The following CFAP54 variants were observed in gnomAD, a reference collection of about 807,000 sequenced individuals.
The protein encoded by CFAP54 is cilia and flagella associated protein 54.
CFAP54 carries 290 observed loss-of-function variants against 370.4 expected under a neutral mutation model. That is an observed-to-expected ratio of 0.78 (90% CI 0.71 to 0.86). The LOEUF (loss-of-function observed/expected upper bound fraction) is 0.86, where lower values mean the gene tolerates loss of function less well. Among genes scored for constraint, CFAP54 ranks in the 40% least tolerant of loss-of-function variants. The probability of loss-of-function intolerance (pLI) is 0.00; values close to 1 mark genes in which losing one functional copy is unlikely to be tolerated. For synonymous variants in CFAP54, 1,206 were observed against 1,236.5 expected (o/e 0.98, Z 0.52); for missense variants, 3,399 against 3,528.7 (o/e 0.96, Z 0.93).
intron 65 of CFAP54, among the ~76,000 whole-genome samples, chr12:96,825,822 A>G (rs1355242897): frequency 3.8e-5 from 5 of 132,156 alleles, no homozygotes; most frequent in Non-Finnish European, 7.7e-5. Flanking sequence ...ATATAAATAT[A>G]TAAATTAGTA....
intron 38 of CFAP54, among the ~76,000 whole-genome samples, chr12:96,663,495 G>GC (rs61043394): frequency 0.89 from 134,727 of 152,214 alleles, 59,865 homozygotes; most frequent in East Asian, 0.96. Context: ...GGAAAAATCT[G>GC]CATTGGGAAA....
intron 64 of CFAP54, among the ~76,000 whole-genome samples, chr12:96,812,169 A>C (rs1051082817): frequency 6.6e-6 from 1 of 152,202 alleles, no homozygotes; most frequent in Non-Finnish European, 1.5e-5. Context: ...CAGTTCATAC[A>C]TGCTTCATAG....
intron 50 of CFAP54, among the ~76,000 whole-genome samples, chr12:96,737,120 T>G (rs2136635428): frequency 6.6e-6 from 1 of 152,260 alleles, no homozygotes; most frequent in East Asian, 1.9e-4. Flanking sequence ...AGTTTGGAAT[T>G]TTTGCATTAT....
chr12:96,605,697 A>C (rs538313974), intron 26 of CFAP54, among the ~76,000 whole-genome samples: 1 of 152,360 alleles, frequency 6.6e-6, no homozygotes, highest in East Asian at 1.9e-4. Context: ...ATTAAAGAGA[A>C]GTCCATAGTA....
chr12:96,667,945 T>C lies in CFAP54; in HGVS notation c.5563+4013T>C, dbSNP rs990958341. Among the ~76,000 whole-genome samples the C allele has an allele frequency of 2.6e-5, 4 of 152,268 alleles. No individual in the cohort carries two copies. In the East Asian group the frequency reaches 7.7e-4, roughly 29 times the overall value. On this transcript the variant is annotated intron_variant, in intron 39 of 67. Coordinates refer to ENST00000524981, the MANE Select transcript of CFAP54 (RefSeq NM_001306084.2). ...TCTCTCAAGTTCAAAGTTCCACAGA[T>C]CTCTAGGGCAGGGGCAAAATGCTGC... is the stretch of plus-strand genomic sequence containing the variant.
At chr12:96,607,967 T>C (rs1565912249) in intron 26 of CFAP54, among the ~76,000 whole-genome samples, 1 of 152,150 alleles carries the variant, frequency 6.6e-6, no homozygotes, top group African/African-American at 2.4e-5. Flanking sequence ...ATTCTGCCCA[T>C]GTACTTATCT....
rs567822202 is a variant in CFAP54, at chr12:96,720,537, G to T, written c.6937G>T (p.Ala2313Ser). ...VEARLQLAAV[A>S]LQRHRAAYSA... ...GGCCCGGCTTCAGCTGGCTGCAGTT[G>T]CTCTGCAGAGGCACCGGGCGGCATA... is the stretch of plus-strand genomic sequence containing the variant. Residue 2313 changes from alanine to serine, a missense_variant, in exon 50 of 68, where the codon GCT becomes TCT. Transcript: ENST00000524981. 1.1e-5 allele frequency: 18 copies of T among 1,576,456 alleles called. No homozygotes were observed. The East Asian group carries it at 1.4e-4, about 12-fold the overall frequency.
intron 67 of CFAP54, among the ~76,000 whole-genome samples, chr12:96,874,385 C>T (rs1960239487): frequency 6.6e-6 from 1 of 152,192 alleles, no homozygotes; most frequent in African/African-American, 2.4e-5. Flanking sequence ...GGACAGCCTG[C>T]ATTCTGCAGA....
rs776616329 is a variant in CFAP54 at position 96,489,620 on chromosome 12, A to C, written c.11A>C (p.Gln4Pro). 7.9e-6 allele frequency: 12 copies of C among 1,518,904 alleles called. No homozygotes were observed. The Middle Eastern group carries it at 1.8e-3, about 223-fold the overall frequency. The allele number at this position is 1,518,904 out of a possible 1,614,324, so 94.1% of individuals were successfully genotyped here. A position where few individuals can be genotyped will look rare whatever the true frequency, so the allele number is the denominator to read the frequency against. ...CCGGGGCGCGTCAATATGGCGGCGC[A>C]GGGCTCCCCCTCGAGCTCTCCGTCA... MAAQGSPSSSPSDD... is the reference protein window; with the variant it reads MAAPGSPSSSPSDD... Residue 4 changes from glutamine (Q) to proline (P), a missense_variant, in exon 1 of 68, where the codon CAG becomes CCG. By Grantham distance (76) the Gln-to-Pro change is moderately conservative (BLOSUM62 -1). Around this residue, in one of 3 missense-constraint regions of CFAP54, gnomAD observed 559 missense variants for 576.7 expected, o/e 0.97. Coordinates refer to ENST00000524981, the MANE Select transcript of CFAP54 (RefSeq NM_001306084.2).
intron 48 of CFAP54, among the ~76,000 whole-genome samples, chr12:96,717,980 C>T (rs2058801): frequency 0.24 from 36,283 of 151,984 alleles, 4,478 homozygotes; most frequent in South Asian, 0.29. Flanking sequence ...TCTATATTCC[C>T]GTGTTTCTAT....
intron 50 of CFAP54, among the ~76,000 whole-genome samples, chr12:96,729,393 C>G (rs1293618588): frequency 6.6e-6 from 1 of 152,222 alleles, no homozygotes; most frequent in Non-Finnish European, 1.5e-5. Context: ...GGCGGGCGCC[C>G]CTCCCCCAGC....
At chr12:96,651,559 G>A (rs1163276482) in intron 35 of CFAP54, 29 bp from the exon 36 acceptor site, 2 of 1,577,478 alleles carry the variant, frequency 1.3e-6, no homozygotes, top group South Asian at 1.1e-5. Flanking sequence ...TGGAACTTTG[G>A]GATCTTTTAA....
intron 5 of CFAP54, 24 bp from the exon 6 acceptor site, chr12:96,518,904 C>A: frequency 6.7e-7 from 1 of 1,503,002 alleles, no homozygotes; most frequent in Non-Finnish European, 8.9e-7. Flanking sequence ...GAAAACAAAT[C>A]CAATGGTGCC....
intron 26 of CFAP54, among the ~76,000 whole-genome samples, chr12:96,606,066 C>A (rs1273766525): frequency 1.3e-5 from 2 of 152,018 alleles, no homozygotes; most frequent in African/African-American, 2.4e-5. Context: ...TGACAAAAAA[C>A]AAACATACGC....
At chr12:96,552,553 C>T (rs1955707050) in intron 15 of CFAP54, among the ~76,000 whole-genome samples, 1 of 152,078 alleles carries the variant, frequency 6.6e-6, no homozygotes, top group African/African-American at 2.4e-5. Flanking sequence ...CGGTTTTGGC[C>T]AGGCTGGTCT....
chr12:96,756,521 A>G lies in CFAP54; in HGVS notation c.7904A>G (p.Tyr2635Cys), dbSNP rs370319843. Reference protein sequence around the residue: ...KSPSFQLESLYEAIQLSLKND... With the variant: ...KSPSFQLESLCEAIQLSLKND... ...CCAAGTTTTCAACTTGAGAGTTTATATGAAGCTATACAACTAAGCCTGAAA... is the reference window on the plus strand; with the variant it reads ...CCAAGTTTTCAACTTGAGAGTTTATGTGAAGCTATACAACTAAGCCTGAAA... The change falls in exon 57 of 68, where the codon TAT becomes TGT. Residue 2635 changes from tyrosine (Y) to cysteine (C), a missense_variant. This residue lies in a region of CFAP54 where 2,796 missense variants were observed against 2,869.7 expected (regional missense o/e 0.97). Transcript: ENST00000524981. 1.7e-5 allele frequency: 27 copies of G among 1,606,838 alleles called. No individual in the cohort carries two copies. The African/African-American group carries it at 1.9e-4, about 11-fold the overall frequency.
chr12:96,739,838 T>A, intron 50 of CFAP54, 118 bp from the exon 51 acceptor site: 1 of 601,996 alleles, frequency 1.7e-6, no homozygotes, highest in East Asian at 3.0e-5. Flanking sequence ...CACCTAACAG[T>A]TTTGGGGGTT....
chr12:96,492,652 G>T (rs1299766021), intron 1 of CFAP54, among the ~76,000 whole-genome samples: 2 of 152,196 alleles, frequency 1.3e-5, no homozygotes, highest in African/African-American at 4.8e-5. Flanking sequence ...TGGGGGTTGG[G>T]ACATAATAAA....
chr12:96,818,200 G>T (rs191562177), intron 65 of CFAP54, among the ~76,000 whole-genome samples: 24 of 152,224 alleles, frequency 1.6e-4, no homozygotes, highest in African/African-American at 5.3e-4. Context: ...TTGTGACTTT[G>T]CAATATTACT....
Sources: allele counts gnomAD v4.1 joint callset (sites outside exome capture counted in the v4.1 genomes callset), GRCh38; gene constraint gnomAD v4.1.1; regional missense constraint gnomAD v4.1.1; transcripts MANE v1.5; gene names NCBI Gene and HGNC (gene_info 2026-07-23, HGNC 2026-07-21).